The following MBNL2 variants were observed in gnomAD, a reference collection of about 807,000 sequenced individuals.
MBNL2 encodes muscleblind-like protein 2.
MBNL2 carries 17 observed loss-of-function variants against 41.9 expected under a neutral mutation model. The observed-to-expected ratio is 0.41, with a 90% CI of 0.28 to 0.61. MBNL2 has a LOEUF of 0.61. Among genes scored for constraint, MBNL2 ranks in the 20% least tolerant of loss-of-function variants. The probability of loss-of-function intolerance (pLI) is 0.35; values close to 1 mark genes in which losing one functional copy is unlikely to be tolerated. For synonymous variants in MBNL2, 195 were observed against 182.9 expected (o/e 1.07, Z -0.53); for missense variants, 336 against 505.6 (o/e 0.66, Z 3.22).
At chr13:97,214,649 A>G in the MBNL2 span, among the ~76,000 whole-genome samples, 2 of 152,182 alleles carry the variant, frequency 1.3e-5, no homozygotes, top group Non-Finnish European at 2.9e-5. Flanking sequence ...AACAGGAGGG[A>G]GATCACAGCC....
intron 3 of MBNL2, among the ~76,000 whole-genome samples, chr13:97,339,871 G>GTT (rs142257683): frequency 4.5e-5 from 5 of 111,010 alleles, no homozygotes; most frequent in South Asian, 2.7e-4. Context: ...ATTTGTGTGT[G>GTT]GGCGGGGGGG....
chr13:97,349,790 T>C (rs2062265144), intron 5 of MBNL2, among the ~76,000 whole-genome samples: 1 of 152,230 alleles, frequency 6.6e-6, no homozygotes, highest in South Asian at 2.1e-4. Context: ...CTGCTTCTCT[T>C]ACTATGGCCA....
intron 5 of MBNL2, among the ~76,000 whole-genome samples, chr13:97,353,464 A>T (rs1233336807): frequency 1.3e-5 from 2 of 152,238 alleles, no homozygotes; most frequent in Admixed American, 6.5e-5. Context: ...AGATATTAAT[A>T]TTCCATTCGC....
At chr13:97,288,911 G>A (rs1248693799) in intron 2 of MBNL2, among the ~76,000 whole-genome samples, 1 of 152,158 alleles carries the variant, frequency 6.6e-6, no homozygotes, top group Admixed American at 6.5e-5. Flanking sequence ...GCATTTTGGG[G>A]CTAAGACTGA....
intron 2 of MBNL2, among the ~76,000 whole-genome samples, chr13:97,325,532 A>C (rs1381208757): frequency 1.3e-5 from 2 of 152,150 alleles, no homozygotes; most frequent in African/African-American, 2.4e-5. Context: ...GGAGTTTGAG[A>C]CCAGCCTGGG....
rs1044242958 is a variant in MBNL2 at position 97,346,271 on chromosome 13, G to GGATA, written c.541-529_541-526dup. Among the ~76,000 whole-genome samples the GGATA allele has an allele frequency of 4.9e-5, 7 of 141,974 alleles. No individual in the cohort carries two copies. Among genetic ancestry groups the GGATA allele is most frequent in the Admixed American group, 4.2e-4 (6 of 14,448 alleles). The allele number at this position is 141,974 out of a possible 152,430, so 93.1% of individuals were successfully genotyped here. A position where few individuals can be genotyped will look rare whatever the true frequency, so the allele number is the denominator to read the frequency against. On this transcript the variant is annotated intron_variant, in intron 4 of 8. Coordinates refer to ENST00000679496, the MANE Select transcript of MBNL2 (RefSeq NM_001382683.1). This position sits in a 1 kb window ranked among gnomAD's most constrained non-coding sequence, Gnocchi z 4.2. ...TGGATGGATGGATGGATGGATGGAT[G>GGATA]GATAGATGGATGGGTGGATGGATAG...
rs1213606807 is a variant in MBNL2 at position 97,366,046 on chromosome 13, G to A, written c.1048+875G>A. On this transcript the variant is annotated intron_variant, in intron 8 of 8. Transcript: ENST00000679496. This position sits in a 1 kb window ranked among gnomAD's most constrained non-coding sequence, Gnocchi z 4.7. ...TAGGTCTCCATATGGAGACTTGGATGTCTCAGAGTTTATGATTAAAAGTGA... is the reference window on the plus strand; with the variant it reads ...TAGGTCTCCATATGGAGACTTGGATATCTCAGAGTTTATGATTAAAAGTGA... 2.0e-5 allele frequency among the ~76,000 whole-genome samples: 3 copies of A among 152,116 alleles called. No homozygotes were observed. Among genetic ancestry groups the A allele is most frequent in the Non-Finnish European group, 4.4e-5 (3 of 68,028 alleles).
the MBNL2 span, among the ~76,000 whole-genome samples, chr13:97,155,034 A>G: frequency 1.3e-5 from 2 of 152,238 alleles, no homozygotes; most frequent in South Asian, 4.1e-4. Context: ...TCGTCCCTTC[A>G]ACTGTGGTAT....
the MBNL2 span, among the ~76,000 whole-genome samples, chr13:97,180,447 G>T: frequency 6.6e-6 from 1 of 151,996 alleles, no homozygotes; most frequent in Admixed American, 6.6e-5. Context: ...TTATCAAATG[G>T]TGTGATCGGC....
intron 3 of MBNL2, among the ~76,000 whole-genome samples, chr13:97,340,799 T>C (rs1218672812): frequency 6.6e-6 from 1 of 152,240 alleles, no homozygotes; most frequent in Admixed American, 6.5e-5. Flanking sequence ...TACTGGGACA[T>C]TGATTTTAGA....
At chr13:97,377,766 GA>G (rs1401543238) in intron 8 of MBNL2, among the ~76,000 whole-genome samples, 2 of 152,160 alleles carry the variant, frequency 1.3e-5, no homozygotes, top group African/African-American at 4.8e-5. Flanking sequence ...TTTGCACAAG[GA>G]AAAAAGTTAA....
chr13:97,320,459 T>C (rs2059410157), intron 2 of MBNL2, among the ~76,000 whole-genome samples: 1 of 151,180 alleles, frequency 6.6e-6, no homozygotes, highest in Non-Finnish European at 1.5e-5. Flanking sequence ...GGTTTCACCA[T>C]GTTAGCCAGG....
chr13:97,270,485 A>T (rs1373452695), intron 1 of MBNL2, among the ~76,000 whole-genome samples: 2 of 152,236 alleles, frequency 1.3e-5, no homozygotes, highest in Non-Finnish European at 2.9e-5. Flanking sequence ...ATTTAAAATT[A>T]AAAAAGTAAA....
chr13:97,217,089 A>G (rs1566345982), upstream of MBNL2, among the ~76,000 whole-genome samples: 1 of 148,472 alleles, frequency 6.7e-6, no homozygotes, highest in South Asian at 2.1e-4. Context: ...TATATAATAT[A>G]TGATATATAC....
intron 1 of MBNL2, among the ~76,000 whole-genome samples, chr13:97,233,806 A>G (rs563593895): frequency 2.0e-4 from 30 of 151,920 alleles, no homozygotes; most frequent in Non-Finnish European, 3.8e-4. Context: ...CTTACTTCCC[A>G]CAATGCGTGC....
the MBNL2 span, among the ~76,000 whole-genome samples, chr13:97,195,015 CT>C: frequency 2.6e-5 from 4 of 151,984 alleles, no homozygotes; most frequent in African/African-American, 9.7e-5. Flanking sequence ...AGTGGCCATT[CT>C]TTTTTTTCTT....
chr13:97,261,371 C>T (rs971769667), intron 1 of MBNL2, among the ~76,000 whole-genome samples: 1 of 152,096 alleles, frequency 6.6e-6, no homozygotes, highest in Admixed American at 6.6e-5. Context: ...AATTTCCACC[C>T]AGGAGAGAAC....
chr13:97,181,809 A>G, the MBNL2 span, among the ~76,000 whole-genome samples: 1 of 152,210 alleles, frequency 6.6e-6, no homozygotes, highest in Admixed American at 6.5e-5. Context: ...CAAAGCCACC[A>G]TGAAGATGAT....
chr13:97,249,816 C>T (rs1797406477), intron 1 of MBNL2, among the ~76,000 whole-genome samples: 1 of 152,144 alleles, frequency 6.6e-6, no homozygotes, highest in African/African-American at 2.4e-5. Flanking sequence ...TAGGTTTCCC[C>T]CCTCAAAGTT....
Sources: allele counts gnomAD v4.1 joint callset (sites outside exome capture counted in the v4.1 genomes callset), GRCh38; gene constraint gnomAD v4.1.1; non-coding constraint Gnocchi (gnomAD v3.1); transcripts MANE v1.5; gene names NCBI Gene and HGNC (gene_info 2026-07-23, HGNC 2026-07-21).